The following KCNC2 variants were observed in gnomAD, a reference collection of about 807,000 sequenced individuals.
KCNC2 encodes potassium voltage-gated channel subfamily C member 2, also known as voltage-gated potassium channel KCNC2.
In KCNC2, 21 loss-of-function variants were observed where a neutral mutation model predicts 44.5. The observed-to-expected ratio is 0.47, with a 90% confidence interval of 0.33 to 0.68. The LOEUF (loss-of-function observed/expected upper bound fraction) is 0.68. Among genes scored for constraint, KCNC2 ranks in the 30% least tolerant of loss-of-function variants. The pLI is 0.01. For synonymous variants in KCNC2, 391 were observed against 339.1 expected, an observed-to-expected ratio of 1.15 and a Z score of -1.68; for missense variants, 589 against 826.2, an observed-to-expected ratio of 0.71 and a Z score of 3.52.
chr12:75,043,116 A>G lies in KCNC2; in HGVS notation c.1906T>C (p.Ser636Pro). 1 of 1,612,096 alleles carries G rather than the reference A, an allele frequency of 6.2e-7. No homozygotes were observed. The highest frequency in any genetic ancestry group is 8.5e-7 in the Non-Finnish European group (1 of 1,178,768). ...PLRRSRSPIPSIL is the reference protein window; with the variant it reads ...PLRRSRSPIPPIL ...TTTGGTTGTTTGGTTTACAAGATAG[A>G]TGGGATGGGAGATCGAGAGCGCCTC... is the stretch of plus-strand genomic sequence containing the variant. The change falls in exon 5 of 5, where the codon TCT becomes CCT. Residue 636 changes from serine to proline, a missense_variant. Physicochemically the swap from Ser to Pro is moderately conservative, Grantham distance 74. Coordinates refer to ENST00000549446, the MANE Select transcript of KCNC2 (RefSeq NM_139137.4).
chr12:75,043,767 G>A (rs1880179758), intron 4 of KCNC2: 1 of 1,509,234 alleles, frequency 6.6e-7, no homozygotes, highest in Non-Finnish European at 8.8e-7. Context: ...AATGGCATTT[G>A]GTGCCATTAT....
chr12:75,161,283 A>G (rs1891107845), intron 2 of KCNC2, among the ~76,000 whole-genome samples: 1 of 151,728 alleles, frequency 6.6e-6, no homozygotes, highest in African/African-American at 2.4e-5. Flanking sequence ...ACATCTGTAC[A>G]TATAATACTA....
chr12:75,195,732 TC>T (rs2030704764), intron 2 of KCNC2, among the ~76,000 whole-genome samples: 1 of 151,990 alleles, frequency 6.6e-6, no homozygotes, highest in South Asian at 2.1e-4. Context: ...TCCAACCCAA[TC>T]CCCTCTTCAG....
At chr12:75,101,548 A>G (rs1409011533) in intron 2 of KCNC2, among the ~76,000 whole-genome samples, 1 of 152,128 alleles carries the variant, frequency 6.6e-6, no homozygotes, top group African/African-American at 2.4e-5. Flanking sequence ...GATTTCCACA[A>G]AAAGAACATC....
At chr12:75,078,210 T>A (rs937410759) in intron 2 of KCNC2, among the ~76,000 whole-genome samples, 2 of 152,102 alleles carry the variant, frequency 1.3e-5, no homozygotes, top group Non-Finnish European at 2.9e-5. Flanking sequence ...AAATGAAAAC[T>A]GAAAAAAATG....
At chr12:75,172,928 C>T (rs1216713870) in intron 2 of KCNC2, among the ~76,000 whole-genome samples, 1 of 151,896 alleles carries the variant, frequency 6.6e-6, no homozygotes, top group South Asian at 2.1e-4. Flanking sequence ...TTATTATAAC[C>T]AGAGAGCCAG....
chr12:75,074,040 G>A (rs1592809636), intron 2 of KCNC2, among the ~76,000 whole-genome samples: 1 of 152,128 alleles, frequency 6.6e-6, no homozygotes, highest in East Asian at 1.9e-4. Context: ...AACATTTTGA[G>A]AGGAAAAGTT....
At chr12:75,208,536 T>C (rs889666899) in intron 1 of KCNC2, among the ~76,000 whole-genome samples, 23 of 151,942 alleles carry the variant, frequency 1.5e-4, no homozygotes, top group African/African-American at 5.6e-4. Flanking sequence ...GGCAGGGAGT[T>C]TTCCTCAGGC....
At chr12:75,108,266 T>G (rs994502150) in intron 2 of KCNC2, among the ~76,000 whole-genome samples, 3 of 152,186 alleles carry the variant, frequency 2.0e-5, no homozygotes, top group Non-Finnish European at 2.9e-5. Flanking sequence ...AATGTGTCCT[T>G]GGGCAAGCTA....
chr12:75,139,579 C>CT (rs1889493590), intron 2 of KCNC2, among the ~76,000 whole-genome samples: 1 of 152,180 alleles, frequency 6.6e-6, no homozygotes, highest in South Asian at 2.1e-4. Context: ...AAATATTACC[C>CT]TGACTCAGCC....
At chr12:75,185,364 TCC>T (rs1892867348) in intron 2 of KCNC2, among the ~76,000 whole-genome samples, 1 of 152,196 alleles carries the variant, frequency 6.6e-6, no homozygotes, top group Non-Finnish European at 1.5e-5. Context: ...GAAACTTGAT[TCC>T]CCATGCAATG....
intron 2 of KCNC2, among the ~76,000 whole-genome samples, chr12:75,067,143 A>G (rs1303577923): frequency 6.6e-6 from 1 of 152,178 alleles, no homozygotes; most frequent in Non-Finnish European, 1.5e-5. Flanking sequence ...TTGAGGCTAC[A>G]GTGAGCAGTG....
intron 2 of KCNC2, among the ~76,000 whole-genome samples, chr12:75,118,787 A>G (rs951493652): frequency 2.0e-5 from 3 of 152,234 alleles, no homozygotes; most frequent in Admixed American, 2.0e-4. Flanking sequence ...GATTTAGTGC[A>G]GTAATCCAGG....
At chr12:75,148,192 A>T (rs908351965) in intron 2 of KCNC2, among the ~76,000 whole-genome samples, 1 of 152,118 alleles carries the variant, frequency 6.6e-6, no homozygotes, top group Non-Finnish European at 1.5e-5. Flanking sequence ...AAAAATTTAA[A>T]AGACAGCACT....
chr12:75,134,831 A>G (rs72484626), intron 2 of KCNC2, among the ~76,000 whole-genome samples: 21,395 of 151,870 alleles, frequency 0.14, 1,738 homozygotes, highest in Middle Eastern at 0.26. Context: ...ATAAAATCAT[A>G]TTTGTTTTAA....
In KCNC2 at chr12:75,042,671, C is replaced by T; in HGVS notation, c.*434G>A. 8.3e-7 allele frequency: 1 copy of T among 1,202,986 alleles called. No homozygotes were observed. The highest frequency in any genetic ancestry group is 1.0e-6 in the Non-Finnish European group (1 of 966,316). 74.5% of individuals were successfully genotyped at this position (1,202,986 alleles called of 1,614,324 possible). A position where few individuals can be genotyped will look rare whatever the true frequency, so the allele number is the denominator to read the frequency against. Reference sequence around the variant, plus strand: ...AGACAAGATGGTCCATGCAAATGAGCTGACACAAGTCATGTCGTGTGCAAT... The same window carrying T: ...AGACAAGATGGTCCATGCAAATGAGTTGACACAAGTCATGTCGTGTGCAAT... On this transcript the variant is annotated 3_prime_UTR_variant, in exon 5 of 5. Coordinates refer to ENST00000549446, the MANE Select transcript of KCNC2 (RefSeq NM_139137.4).
intron 2 of KCNC2, among the ~76,000 whole-genome samples, chr12:75,064,131 A>G (rs1211175517): frequency 2.0e-5 from 3 of 152,070 alleles, no homozygotes; most frequent in Admixed American, 2.0e-4. Flanking sequence ...CCTCCCAAAT[A>G]GATGAGTACT....
chr12:75,076,564 G>A (rs1484578922), intron 2 of KCNC2, among the ~76,000 whole-genome samples: 2 of 152,096 alleles, frequency 1.3e-5, no homozygotes, highest in African/African-American at 2.4e-5. Flanking sequence ...GAGCCACCGC[G>A]CCTGGCCTCA....
intron 2 of KCNC2, among the ~76,000 whole-genome samples, chr12:75,098,432 G>A (rs567053414): frequency 1.2e-4 from 18 of 152,108 alleles, no homozygotes; most frequent in African/African-American, 3.1e-4. Context: ...CCTTTTCTCC[G>A]TGGAATTCTT....
Sources: allele counts gnomAD v4.1 joint callset (sites outside exome capture counted in the v4.1 genomes callset), GRCh38; gene constraint gnomAD v4.1.1; transcripts MANE v1.5; gene names NCBI Gene and HGNC (gene_info 2026-07-23, HGNC 2026-07-21).